The following TACC2 variants were observed in gnomAD, a reference collection of about 807,000 sequenced individuals.
TACC2 encodes the protein transforming acidic coiled-coil containing protein 2, also known as transforming acidic coiled-coil-containing protein 2.
TACC2 carries 137 observed loss-of-function variants against 227.3 expected under a neutral mutation model. The observed-to-expected ratio is 0.60, with a 90% CI of 0.52 to 0.69. The LOEUF is 0.69. Among genes scored for constraint, TACC2 ranks in the 30% least tolerant of loss-of-function variants. The pLI is 0.00. For synonymous variants in TACC2, 1,523 were observed against 1,487.5 expected, an observed-to-expected ratio of 1.02 and a Z score of -0.55; for missense variants, 3,470 against 3,694.4, an observed-to-expected ratio of 0.94 and a Z score of 1.57.
intron 7 of TACC2, among the ~76,000 whole-genome samples, chr10:122,187,219 C>A (rs1322613420): frequency 6.6e-6 from 1 of 152,238 alleles, no homozygotes. Flanking sequence ...CAGTGCCACA[C>A]TGAGCCCCCT....
intron 1 of TACC2, among the ~76,000 whole-genome samples, chr10:122,015,836 C>G (rs747357901): frequency 6.6e-6 from 1 of 152,000 alleles, no homozygotes; most frequent in African/African-American, 2.4e-5. Flanking sequence ...AAATCCACCC[C>G]TCCCAGCAAA....
At chr10:122,235,119 C>G (rs908848772) in intron 16 of TACC2, among the ~76,000 whole-genome samples, 1 of 152,212 alleles carries the variant, frequency 6.6e-6, no homozygotes, top group Non-Finnish European at 1.5e-5. Context: ...CAGAGTCTCA[C>G]TCTGTCACCC....
chr10:122,018,442 T>C (rs1328202812), intron 1 of TACC2, among the ~76,000 whole-genome samples: 1 of 152,202 alleles, frequency 6.6e-6, no homozygotes, highest in Non-Finnish European at 1.5e-5. Flanking sequence ...AGCAATTCAG[T>C]GGCATTTAGT....
intron 1 of TACC2, among the ~76,000 whole-genome samples, chr10:122,006,931 G>A (rs2135232404): frequency 7.0e-6 from 1 of 143,642 alleles, no homozygotes; most frequent in East Asian, 2.1e-4. Context: ...GCGTGATCTT[G>A]GCTCACCGCA....
chr10:122,113,056 G>C (rs2083922843), intron 5 of TACC2: 1 of 152,334 alleles, frequency 6.6e-6, no homozygotes, highest in African/African-American at 2.4e-5. Flanking sequence ...GGGGAGCCAC[G>C]CCGGCCCTGC....
chr10:122,148,907 A>G (rs2091724140), intron 7 of TACC2, among the ~76,000 whole-genome samples: 1 of 152,194 alleles, frequency 6.6e-6, no homozygotes, highest in African/African-American at 2.4e-5. Context: ...TCTGCCTCCT[A>G]TCCCTGCCTG....
At chr10:122,108,445 T>TC (rs1314712816) in intron 5 of TACC2, among the ~76,000 whole-genome samples, 15 of 84,782 alleles carry the variant, frequency 1.8e-4, no homozygotes, top group South Asian at 3.6e-4. Flanking sequence ...ATATTTTCTT[T>TC]TTTTTTTTTT....
At chr10:122,081,120 A>G (rs1252159780) in intron 3 of TACC2, among the ~76,000 whole-genome samples, 2 of 152,240 alleles carry the variant, frequency 1.3e-5, no homozygotes, top group African/African-American at 4.8e-5. Context: ...CAGGAAATTC[A>G]CTAGAACTCT....
At chr10:122,109,551 T>C (rs1165481041) in intron 5 of TACC2, among the ~76,000 whole-genome samples, 1 of 152,210 alleles carries the variant, frequency 6.6e-6, no homozygotes, top group East Asian at 1.9e-4. Flanking sequence ...CCTTCAGCAA[T>C]GCTAGTCCTG....
At chr10:122,183,996 G>GTGAA (rs1332060429) in intron 7 of TACC2, among the ~76,000 whole-genome samples, 1 of 152,156 alleles carries the variant, frequency 6.6e-6, no homozygotes, top group Non-Finnish European at 1.5e-5. Flanking sequence ...TTCTGAAACC[G>GTGAA]TGAATAGTCA....
chr10:122,181,198 C>T (rs1252791376), intron 7 of TACC2, among the ~76,000 whole-genome samples: 1 of 152,132 alleles, frequency 6.6e-6, no homozygotes, highest in African/African-American at 2.4e-5. Flanking sequence ...TACAATTCCT[C>T]GCCCACAGCC....
intron 5 of TACC2, among the ~76,000 whole-genome samples, chr10:122,112,780 C>T (rs1057152351): frequency 1.3e-5 from 2 of 152,240 alleles, no homozygotes; most frequent in African/African-American, 4.8e-5. Context: ...TGCAGCGCCT[C>T]CAGGAGCAGC....
At chr10:122,069,007 G>T (rs1055550818) in intron 3 of TACC2, among the ~76,000 whole-genome samples, 1 of 110,856 alleles carries the variant, frequency 9.0e-6, no homozygotes, top group Non-Finnish European at 1.9e-5. Context: ...CAACCTTTCA[G>T]GTGTTCTGTA....
At chr10:122,089,573 G>A (rs141338895) in intron 5 of TACC2, among the ~76,000 whole-genome samples, 1 of 152,290 alleles carries the variant, frequency 6.6e-6, no homozygotes, top group African/African-American at 2.4e-5. Flanking sequence ...TATTGTGCAC[G>A]TACACAGACA....
intron 1 of TACC2, among the ~76,000 whole-genome samples, chr10:122,010,575 T>C (rs933880865): frequency 6.6e-6 from 1 of 152,254 alleles, no homozygotes; most frequent in East Asian, 1.9e-4. Flanking sequence ...TGACACTGGG[T>C]CTGGCATAGA....
In TACC2 at chr10:122,055,102, C is replaced by G. The variant is rs146076808; in HGVS notation, c.146+4552C>G. 7.5e-3 allele frequency among the ~76,000 whole-genome samples: 1,139 copies of G among 152,202 alleles called. 4 individuals are homozygous for G. Among genetic ancestry groups the G allele is most frequent in the Non-Finnish European group, 0.011 (722 of 68,022 alleles). On this transcript the variant is annotated intron_variant, in intron 3 of 22. Transcript: ENST00000369005. ...GGGTGTAGCGGCATGCATCTGTAGT[C>G]CCAGCTACTCTGGAGGCTGAGGCAG...
In TACC2 at chr10:122,216,781, A is replaced by G; in HGVS notation, c.7499A>G (p.Asp2500Gly). The change falls in exon 11 of 23, where the codon GAC becomes GGC. Residue 2500 changes from aspartate to glycine, a missense_variant. This residue lies in a region of TACC2 where 345 missense variants were observed against 354.4 expected (regional missense o/e 0.97). Coordinates refer to ENST00000369005, the MANE Select transcript of TACC2 (RefSeq NM_206862.4). ...AAACAGGACTACCCGCAGCCCTCGG[A>G]CCTGTCCACCTTTGTAAACGAGACC... ...ADKQDYPQPS[D>G]LSTFVNETKF... 6.2e-7 allele frequency: 1 copy of G among 1,614,098 alleles called. No individual in the cohort carries two copies. Among genetic ancestry groups the G allele is most frequent in the East Asian group, 2.2e-5 (1 of 44,862 alleles).
Position 122,085,238 on chromosome 10 carries a change from C to G in TACC2, c.2738C>G (p.Thr913Ser). The G allele has an allele frequency of 8.1e-6, 13 of 1,614,080 alleles. No homozygotes were observed. Among genetic ancestry groups the G allele is most frequent in the Non-Finnish European group, 1.1e-5 (13 of 1,180,030 alleles). ...SQLPKGTLSDTPTSSPTDMVW... is the reference protein window; with the variant it reads ...SQLPKGTLSDSPTSSPTDMVW... ...CTCCCCAAAGGCACCCTGTCTGATACTCCAACTTCATCTCCCACTGACATG... is the reference window on the plus strand; with the variant it reads ...CTCCCCAAAGGCACCCTGTCTGATAGTCCAACTTCATCTCCCACTGACATG... Residue 913 changes from threonine to serine, a missense_variant, in exon 4 of 23, where the codon ACT becomes AGT. Thr to Ser is a moderately conservative substitution (Grantham distance 58, BLOSUM62 1). Coordinates refer to ENST00000369005, the MANE Select transcript of TACC2 (RefSeq NM_206862.4).
Position 122,194,941 on chromosome 10 carries a change from C to G in TACC2, c.5835-99C>G. ...GTCCCTGCACAGTTTAACTGAGCAG[C>G]GAGCCAGAACCCACTGGCTCTGGGT... On this transcript the variant is annotated intron_variant, in intron 7 of 22. Coordinates refer to ENST00000369005, the MANE Select transcript of TACC2 (RefSeq NM_206862.4). The surrounding 1 kb of genome is among the most constrained non-coding windows in gnomAD (Gnocchi z 4.4). 1.8e-5 allele frequency: 23 copies of G among 1,250,546 alleles called. No individual in the cohort carries two copies. The highest frequency in any genetic ancestry group is 2.6e-5 in the Non-Finnish European group (23 of 891,310). The allele number at this position is 1,250,546 out of a possible 1,614,324, so 77.5% of individuals were successfully genotyped here. A position where few individuals can be genotyped will look rare whatever the true frequency, so the allele number is the denominator to read the frequency against.
Sources: allele counts gnomAD v4.1 joint callset (sites outside exome capture counted in the v4.1 genomes callset), GRCh38; gene constraint gnomAD v4.1.1; regional missense constraint gnomAD v4.1.1; non-coding constraint Gnocchi (gnomAD v3.1); transcripts MANE v1.5; gene names NCBI Gene and HGNC (gene_info 2026-07-23, HGNC 2026-07-21).